Variants in ERN2 observed in about 807,000 individuals in gnomAD.
The protein encoded by ERN2 is endoplasmic reticulum to nucleus signaling 2, also known as serine/threonine-protein kinase/endoribonuclease IRE2.
Under a neutral mutation model 107.9 loss-of-function variants are expected in ERN2, and 111 were observed. That is an observed-to-expected ratio of 1.03 (90% CI 0.88 to 1.20). The LOEUF (loss-of-function observed/expected upper bound fraction) is 1.20, where lower values mean the gene tolerates loss of function less well. Ranked by LOEUF, ERN2 falls within the 50% of genes most tolerant of loss-of-function variation. The pLI is 0.00. For missense variants in ERN2, 1,225 were observed against 1,197.9 expected, an observed-to-expected ratio of 1.02 and a Z score of -0.33; for synonymous variants, 524 against 501.7, an observed-to-expected ratio of 1.04 and a Z score of -0.59.
chr16:23,701,877 C>A (rs1340984211), intron 11 of ERN2, among the ~76,000 whole-genome samples: 1 of 152,046 alleles, frequency 6.6e-6, no homozygotes, highest in African/African-American at 2.4e-5. Flanking sequence ...CTCAAGCCAT[C>A]CATCCTCCCA....
At chr16:23,700,437 A>G in intron 13 of ERN2, 102 bp downstream of exon 13, 1 of 1,188,630 alleles carries the variant, frequency 8.4e-7, no homozygotes, top group South Asian at 1.5e-5. Context: ...TGTAGACCTA[A>G]CCACCCCACT....
At chr16:23,701,220 G>T in intron 11 of ERN2, 106 bp from the exon 12 acceptor site, 1 of 1,196,376 alleles carries the variant, frequency 8.4e-7, no homozygotes, top group Non-Finnish European at 1.2e-6. Flanking sequence ...GGGGCAGTGA[G>T]TGGTCTGTGT....
intron 8 of ERN2, among the ~76,000 whole-genome samples, chr16:23,704,024 G>C (rs902505749): frequency 3.3e-5 from 5 of 152,182 alleles, no homozygotes; most frequent in African/African-American, 1.2e-4. Flanking sequence ...TGTACTCCCA[G>C]ACTCTAGTGA....
At position 23,700,526 on chromosome 16, in the gene ERN2, C is replaced by A; in HGVS notation, c.1525+13G>T. On this transcript the variant is annotated intron_variant, in intron 13 of 21. Transcript: ENST00000256797. ...CTGTTCCTGACTGCCCTGTCTTGTT[C>A]ACACAGGCTCACCTTCAGGGTCGTC... The A allele has an allele frequency of 6.2e-7, 1 of 1,602,624 alleles. No homozygotes were observed. The highest frequency in any genetic ancestry group is 1.1e-5 in the South Asian group (1 of 89,278).
intron 8 of ERN2, 75 bp downstream of exon 8, chr16:23,704,808 C>A: frequency 6.7e-7 from 1 of 1,498,648 alleles, no homozygotes; most frequent in Non-Finnish European, 9.1e-7. Flanking sequence ...AGCTGAACAT[C>A]TCGCCTGGCC....
At position 23,696,107 on chromosome 16, in the gene ERN2, G is replaced by C. The variant is rs1959817659; in HGVS notation, c.1526-129C>G. The C allele has an allele frequency of 1.0e-5, 7 of 680,170 alleles. 1 individual carries two copies. Among genetic ancestry groups the C allele is most frequent in the South Asian group, 5.0e-5 (3 of 60,216 alleles). The allele number at this position is 680,170 out of a possible 1,614,324, so 42.1% of individuals were successfully genotyped here. On this transcript the variant is annotated intron_variant, in intron 13 of 21. Coordinates refer to ENST00000256797, the MANE Select transcript of ERN2 (RefSeq NM_033266.4). The stretch of plus-strand genomic sequence containing the variant: ...ATGCTCAGCCTGGTGCAGTGGGTAA[G>C]AGCAAGGGCCCAAGTGCCAGACTGT...
chr16:23,710,662 T>C (rs1388502899), intron 2 of ERN2, 113 bp from the exon 3 acceptor site: 1 of 1,238,132 alleles, frequency 8.1e-7, no homozygotes. Flanking sequence ...TTGGTGTGAA[T>C]GTAATGCCAT....
At chr16:23,705,232 C>CTGGTG in intron 7 of ERN2, 85 bp from the exon 8 acceptor site, 1 of 1,477,320 alleles carries the variant, frequency 6.8e-7, no homozygotes, top group Non-Finnish European at 9.3e-7. Flanking sequence ...AGGGGTCAGT[C>CTGGTG]TGGTGTGTGG....
At chr16:23,693,052 A>G (rs1025178738) in intron 17 of ERN2, among the ~76,000 whole-genome samples, 3 of 151,928 alleles carry the variant, frequency 2.0e-5, no homozygotes, top group African/African-American at 7.3e-5. Flanking sequence ...CATGTGGCTG[A>G]CACCTTGTAA....
chr16:23,695,263 G>A lies in ERN2; in HGVS notation c.1737C>T (p.Cys579=). ...DRHPNVLRYF[C]TERGPQFHYI... ...AGTGGAACTGGGGTCCCCGCTCGGT[G>A]CAGAAGTAGCGGAGCACGTTGGGGT... is the stretch of plus-strand genomic sequence containing the variant. The change falls in exon 15 of 22, where the codon TGC becomes TGT. Residue 579 remains cysteine, a synonymous_variant. Coordinates refer to ENST00000256797, the MANE Select transcript of ERN2 (RefSeq NM_033266.4). 6.2e-7 allele frequency: 1 copy of A among 1,614,134 alleles called. No individual in the cohort carries two copies. The highest frequency in any genetic ancestry group is 8.5e-7 in the Non-Finnish European group (1 of 1,180,028).
chr16:23,698,747 C>A (rs1959926994), intron 13 of ERN2, among the ~76,000 whole-genome samples: 1 of 152,082 alleles, frequency 6.6e-6, no homozygotes, highest in African/African-American at 2.4e-5. Flanking sequence ...ACCACCACAC[C>A]AGACTCATTT....
chr16:23,703,839 C>T lies in ERN2; in HGVS notation c.854+1044G>A, dbSNP rs116758410. 5.5e-3 allele frequency among the ~76,000 whole-genome samples: 841 copies of T among 152,294 alleles called. 9 individuals carry two copies. The highest frequency in any genetic ancestry group is 0.019 in the African/African-American group (808 of 41,548). On this transcript the variant is annotated intron_variant, in intron 8 of 21. Transcript: ENST00000256797. ...CCTTCCTCTAGGAAGCTTTCCATGA[C>T]TGCCTCCTGTCCCCAGTCTTGATGT...
chr16:23,704,840 T>A, intron 8 of ERN2, 43 bp downstream of exon 8: 1 of 1,591,250 alleles, frequency 6.3e-7, no homozygotes, highest in Non-Finnish European at 8.5e-7. Flanking sequence ...GTTGCGACAC[T>A]CCCAGATGGC....
rs1374599507 is a variant in ERN2 at position 23,702,240 on chromosome 16, G to C, written c.1115C>G (p.Thr372Ser). The C allele has an allele frequency of 1.2e-6, 2 of 1,614,082 alleles. No homozygotes were observed. Among genetic ancestry groups the C allele is most frequent in the Non-Finnish European group, 1.7e-6 (2 of 1,180,048 alleles). The change falls in exon 11 of 22, where the codon ACC becomes AGC. Residue 372 changes from threonine to serine, a missense_variant. Coordinates refer to ENST00000256797, the MANE Select transcript of ERN2 (RefSeq NM_033266.4). ...HHELPPVLHT[T>S]MLRVHPTLGS... The stretch of plus-strand genomic sequence containing the variant: ...CAGGGTGGGATGGACCCTCAGCATG[G>C]TGGTGTGCAGGACTGGGGGTAGCTC...
intron 13 of ERN2, among the ~76,000 whole-genome samples, chr16:23,699,033 C>G (rs1959939991): frequency 6.6e-6 from 1 of 152,170 alleles, no homozygotes; most frequent in Admixed American, 6.5e-5. Flanking sequence ...AGACTCAACT[C>G]GAGTCCGAAG....
rs1959726241 is a variant in ERN2, at chr16:23,694,693, G to C, written c.2100+35C>G. 4 of 1,544,956 alleles carry C rather than the reference G, an allele frequency of 2.6e-6. No homozygotes were observed. The East Asian group carries it at 9.2e-5, about 35-fold the overall frequency. ...GGACGGATTCCTGCAGCCTGGGGCA[G>C]CTGTGTGCCTGGAGGACTTGGTGGA... On this transcript the variant is annotated intron_variant, in intron 17 of 21. Transcript: ENST00000256797.
chr16:23,695,850 C>T (rs1280402187), intron 14 of ERN2, 44 bp downstream of exon 14: 3 of 1,493,906 alleles, frequency 2.0e-6, no homozygotes, highest in Non-Finnish European at 2.8e-6. Context: ...CCCACGAGGG[C>T]TGTGAGTGCC....
In ERN2 at chr16:23,701,791, C is replaced by T. The variant is rs146535957; in HGVS notation, c.1203+361G>A. Among the ~76,000 whole-genome samples, 929 of 152,018 alleles carry T rather than the reference C, an allele frequency of 6.1e-3. 10 individuals are homozygous for T. The highest frequency in any genetic ancestry group is 0.022 in the African/African-American group (900 of 41,426). On this transcript the variant is annotated intron_variant, in intron 11 of 21. Coordinates refer to ENST00000256797, the MANE Select transcript of ERN2 (RefSeq NM_033266.4). The stretch of plus-strand genomic sequence containing the variant: ...ACTACAGATGCACACAACCATTCCC[C>T]ACTAATTTTTTATTTTTATTTTTTT...
intron 1 of ERN2, among the ~76,000 whole-genome samples, chr16:23,711,406 G>C (rs1487507937): frequency 2.0e-5 from 3 of 152,162 alleles, no homozygotes; most frequent in Non-Finnish European, 2.9e-5. Context: ...GCCCAGGCTG[G>C]AATGAAGTGG....
Sources: gnomAD v4.1 joint callset for allele counts (sites outside exome capture counted in the v4.1 genomes callset) on GRCh38, gnomAD v4.1.1 for gene constraint, MANE v1.5 for transcripts, NCBI Gene and HGNC (gene_info 2026-07-23, HGNC 2026-07-21) for gene names.